The following ARHGAP24 variants were observed in gnomAD, a reference collection of about 807,000 sequenced individuals.
The protein encoded by ARHGAP24 is rho GTPase-activating protein 24.
In ARHGAP24, 50 loss-of-function variants were observed where a neutral mutation model predicts 76.4. The observed-to-expected ratio is 0.65, with a 90% CI of 0.52 to 0.83. The LOEUF is 0.83. ARHGAP24 is among the 40% of genes least tolerant of loss of function. The pLI is 0.00. For synonymous variants in ARHGAP24, 345 were observed against 323.3 expected (o/e 1.07, Z -0.72); for missense variants, 930 against 914.2 (o/e 1.02, Z -0.22).
chr4:85,662,367 TG>T (rs1414316657), intron 2 of ARHGAP24, among the ~76,000 whole-genome samples: 30 of 151,096 alleles, frequency 2.0e-4, no homozygotes, highest in Admixed American at 1.9e-3. Flanking sequence ...TGGGGTTGTT[TG>T]TTTTTTTATT....
At chr4:85,495,018 C>T (rs1723506547) in intron 1 of ARHGAP24, among the ~76,000 whole-genome samples, 1 of 150,178 alleles carries the variant, frequency 6.7e-6, no homozygotes, top group Non-Finnish European at 1.5e-5. Context: ...TGGCATGAAC[C>T]CGGGAGGCGG....
At chr4:85,919,306 C>T (rs1048464416) in intron 3 of ARHGAP24, among the ~76,000 whole-genome samples, 40 of 152,150 alleles carry the variant, frequency 2.6e-4, no homozygotes, top group Middle Eastern at 6.8e-3. Context: ...ATTTTTAAGC[C>T]CCTTCACTTG....
intron 3 of ARHGAP24, among the ~76,000 whole-genome samples, chr4:85,861,426 T>C (rs1731890334): frequency 6.6e-6 from 1 of 152,140 alleles, no homozygotes; most frequent in African/African-American, 2.4e-5. Flanking sequence ...CATCATTTCT[T>C]ATTGCTATGC....
At chr4:85,933,646 A>T (rs1352131103) in intron 4 of ARHGAP24, among the ~76,000 whole-genome samples, 2 of 152,160 alleles carry the variant, frequency 1.3e-5, no homozygotes, top group East Asian at 3.9e-4. Flanking sequence ...TTATAAGTGA[A>T]TTTTTTACCC....
At chr4:85,758,761 T>C (rs578046658) in intron 3 of ARHGAP24, among the ~76,000 whole-genome samples, 1 of 152,188 alleles carries the variant, frequency 6.6e-6, no homozygotes, top group South Asian at 2.1e-4. Flanking sequence ...GTGGTTCAAA[T>C]CTTCATGCAC....
chr4:85,906,254 C>A (rs1411104206), intron 3 of ARHGAP24, among the ~76,000 whole-genome samples: 6 of 152,252 alleles, frequency 3.9e-5, no homozygotes, highest in Admixed American at 6.5e-5. Flanking sequence ...CTGCTTATAT[C>A]ACTCTGTTGT....
chr4:85,739,476 A>G (rs1487568015), intron 3 of ARHGAP24, among the ~76,000 whole-genome samples: 2 of 152,010 alleles, frequency 1.3e-5, no homozygotes, highest in East Asian at 3.9e-4. Context: ...TTTCTGTTAG[A>G]TTTCTGCACT....
intron 1 of ARHGAP24, among the ~76,000 whole-genome samples, chr4:85,510,202 G>C (rs1472406795): frequency 6.6e-6 from 1 of 152,104 alleles, no homozygotes; most frequent in Non-Finnish European, 1.5e-5. Flanking sequence ...TAAAAAATGA[G>C]AGTTTTATAA....
intron 2 of ARHGAP24, among the ~76,000 whole-genome samples, chr4:85,636,557 C>T (rs539097399): frequency 6.6e-6 from 1 of 151,090 alleles, no homozygotes; most frequent in South Asian, 2.1e-4. Context: ...GGGAATATTA[C>T]ACACACACAC....
intron 3 of ARHGAP24, among the ~76,000 whole-genome samples, chr4:85,872,440 G>A (rs916771404): frequency 6.6e-6 from 1 of 151,294 alleles, no homozygotes; most frequent in Non-Finnish European, 1.5e-5. Context: ...GGGATTACAG[G>A]CGTCCACCAC....
chr4:85,788,290 A>G (rs1267141069), intron 3 of ARHGAP24, among the ~76,000 whole-genome samples: 1 of 152,248 alleles, frequency 6.6e-6, no homozygotes, highest in Non-Finnish European at 1.5e-5. Context: ...CAATATAAAA[A>G]AATAAGGAAG....
intron 2 of ARHGAP24, among the ~76,000 whole-genome samples, chr4:85,591,872 G>C (rs1397331235): frequency 2.0e-5 from 3 of 152,088 alleles, no homozygotes; most frequent in Non-Finnish European, 4.4e-5. Context: ...CAGAAAATAT[G>C]ATGTAAATGT....
intron 3 of ARHGAP24, among the ~76,000 whole-genome samples, chr4:85,860,548 T>G (rs575450566): frequency 6.6e-6 from 1 of 152,072 alleles, no homozygotes; most frequent in Non-Finnish European, 1.5e-5. Context: ...TAACTTAGAA[T>G]AGATAACTTC....
chr4:85,785,025 AC>A (rs1560632070), intron 3 of ARHGAP24, among the ~76,000 whole-genome samples: 2 of 151,944 alleles, frequency 1.3e-5, no homozygotes, highest in South Asian at 2.1e-4. Context: ...ATATAATTAT[AC>A]CCCCCAACTT....
intron 8 of ARHGAP24, chr4:85,991,641 A>G (rs1375444475): frequency 1.3e-5 from 2 of 152,328 alleles, no homozygotes; most frequent in African/African-American, 4.8e-5. Context: ...AAATTGTAAA[A>G]AAAGGCAAAA....
intron 2 of ARHGAP24, among the ~76,000 whole-genome samples, chr4:85,665,841 G>T (rs1722592808): frequency 6.6e-6 from 1 of 152,064 alleles, no homozygotes; most frequent in Non-Finnish European, 1.5e-5. Context: ...TTGAATATTG[G>T]CCCCCACTCT....
At chr4:85,850,246 A>G (rs541055684) in intron 3 of ARHGAP24, among the ~76,000 whole-genome samples, 13 of 152,204 alleles carry the variant, frequency 8.5e-5, no homozygotes, top group African/African-American at 2.4e-4. Context: ...AGAGGTGTTT[A>G]TAGTATTCTC....
At position 85,706,566 on chromosome 4, in the gene ARHGAP24, T is replaced by G. The variant is rs942375761; in HGVS notation, c.181-15319T>G. ...TCAAAAAGATGTTGTTTTTGTTTTT[T>G]TTTTTCTTTTTTCTTTTGAGATGGA... On this transcript the variant is annotated intron_variant, in intron 2 of 9. Coordinates refer to ENST00000395184, the MANE Select transcript of ARHGAP24 (RefSeq NM_001025616.3). 5.9e-5 allele frequency among the ~76,000 whole-genome samples: 9 copies of G among 151,878 alleles called. No individual in the cohort carries two copies. The East Asian group carries it at 7.7e-4, about 13-fold the overall frequency.
chr4:85,547,553 A>G (rs1296412658), intron 1 of ARHGAP24, among the ~76,000 whole-genome samples: 4 of 152,012 alleles, frequency 2.6e-5, no homozygotes, highest in African/African-American at 9.7e-5. Flanking sequence ...TTCCCACCTC[A>G]GCCTCTTGAG....
Sources: gnomAD v4.1 joint callset for allele counts (sites outside exome capture counted in the v4.1 genomes callset) on GRCh38, gnomAD v4.1.1 for gene constraint, MANE v1.5 for transcripts, NCBI Gene and HGNC (gene_info 2026-07-23, HGNC 2026-07-21) for gene names.